MGAT4C: variants seen among roughly 807,000 people sequenced by gnomAD.
MGAT4C encodes the protein MGAT4 family member C, also known as alpha-1,3-mannosyl-glycoprotein 4-beta-N-acetylglucosaminyltransferase C.
In MGAT4C, 19 loss-of-function variants were observed where a neutral mutation model predicts 40.1. That is an observed-to-expected ratio of 0.47 (90% confidence interval 0.33 to 0.70). The LOEUF is 0.70. Ranked by LOEUF, MGAT4C falls within the 30% of genes least tolerant of loss-of-function variation. The pLI, the probability that MGAT4C is intolerant of heterozygous loss-of-function variation, is 0.02. For missense variants in MGAT4C, 491 were observed against 563.2 expected (o/e 0.87, Z 1.30); for synonymous variants, 181 against 187.1 (o/e 0.97, Z 0.27).
chr12:86,293,738 T>G (rs531647842), intron 4 of MGAT4C, among the ~76,000 whole-genome samples: 1 of 152,278 alleles, frequency 6.6e-6, no homozygotes, highest in Admixed American at 6.5e-5. Context: ...TGGAGGTAAT[T>G]AGATCATGTT....
intron 3 of MGAT4C, among the ~76,000 whole-genome samples, chr12:86,387,437 C>A (rs916838219): frequency 7.2e-5 from 11 of 151,828 alleles, no homozygotes; most frequent in African/African-American, 2.7e-4. Flanking sequence ...GAATTGAAAA[C>A]AGAATTTTTA....
chr12:86,358,268 C>T (rs1247504850), intron 3 of MGAT4C, among the ~76,000 whole-genome samples: 1 of 152,094 alleles, frequency 6.6e-6, no homozygotes, highest in African/African-American at 2.4e-5. Flanking sequence ...ACTTTACAGA[C>T]AAGTAAATAT....
chr12:86,220,254 A>G (rs549305741), intron 1 of MGAT4C, among the ~76,000 whole-genome samples: 1 of 152,186 alleles, frequency 6.6e-6, no homozygotes, highest in South Asian at 2.1e-4. Context: ...TGGAACAGGA[A>G]TTATCTCCTC....
chr12:86,835,275 T>G (rs1327048865), intron 1 of MGAT4C, among the ~76,000 whole-genome samples: 1 of 152,010 alleles, frequency 6.6e-6, no homozygotes. Flanking sequence ...ATACTATTTT[T>G]GTAAAGATTT....
chr12:86,468,522 T>C lies in MGAT4C; in HGVS notation c.-228-33257A>G, dbSNP rs189355344. Among the ~76,000 whole-genome samples the C allele has an allele frequency of 5.9e-5, 9 of 152,234 alleles. No individual in the cohort carries two copies. The East Asian group carries it at 1.7e-3, about 29-fold the overall frequency. On this transcript the variant is annotated intron_variant, in intron 2 of 7. Coordinates refer to the MGAT4C transcript ENST00000548651. ...AAATGCAGAAGTCTGAGTTGTTTTT[T>C]TTCTTAAATATAAGTTGGATTATAT...
chr12:86,566,575 TG>T (rs1304138806), intron 2 of MGAT4C, among the ~76,000 whole-genome samples: 5 of 131,712 alleles, frequency 3.8e-5, no homozygotes, highest in Non-Finnish European at 8.1e-5. Flanking sequence ...TATATATATA[TG>T]TATATGTATA....
intron 1 of MGAT4C, among the ~76,000 whole-genome samples, chr12:86,254,998 G>A (rs1390432375): frequency 6.6e-6 from 1 of 152,034 alleles, no homozygotes; most frequent in Non-Finnish European, 1.5e-5. Flanking sequence ...AGCTCAACTC[G>A]AGAATCTCCA....
chr12:86,534,327 T>C (rs1329257864), intron 2 of MGAT4C, among the ~76,000 whole-genome samples: 1 of 152,090 alleles, frequency 6.6e-6, no homozygotes, highest in East Asian at 1.9e-4. Flanking sequence ...ATCAGAAAAG[T>C]CTTTGAATCT....
At chr12:86,645,272 G>A (rs1270163512) in intron 2 of MGAT4C, among the ~76,000 whole-genome samples, 1 of 151,598 alleles carries the variant, frequency 6.6e-6, no homozygotes, top group Non-Finnish European at 1.5e-5. Context: ...GAAGAGGCTA[G>A]CAGGGACACT....
In MGAT4C at chr12:85,983,767, T is replaced by C. The variant is rs1468739187; in HGVS notation, c.148-97A>G. 14 of 975,146 alleles carry C rather than the reference T, an allele frequency of 1.4e-5. No individual in the cohort carries two copies. The East Asian group carries it at 3.7e-4, about 26-fold the overall frequency. 60.4% of individuals were successfully genotyped at this position (975,146 alleles called of 1,614,324 possible). ...TTACACAATAAATGTACGACTACAA[T>C]ATATAGTATGCAGGGTTATATAAAT... On this transcript the variant is annotated intron_variant, in intron 3 of 4. Transcript: ENST00000611864.
chr12:86,362,894 G>T (rs955615030), intron 3 of MGAT4C, among the ~76,000 whole-genome samples: 1 of 149,602 alleles, frequency 6.7e-6, no homozygotes, highest in African/African-American at 2.5e-5. Flanking sequence ...AGCATATGAG[G>T]GTGTATATAG....
At chr12:86,069,203 T>C (rs1287124311) in intron 1 of MGAT4C, among the ~76,000 whole-genome samples, 1 of 152,160 alleles carries the variant, frequency 6.6e-6, no homozygotes, top group Admixed American at 6.6e-5. Flanking sequence ...CATTATAGTG[T>C]ACCTTGCTTA....
chr12:86,505,491 C>CT (rs1378927172), intron 2 of MGAT4C, among the ~76,000 whole-genome samples: 2 of 152,176 alleles, frequency 1.3e-5, no homozygotes, highest in African/African-American at 4.8e-5. Context: ...AGAGTCAGCA[C>CT]AAATGTCATC....
chr12:86,014,596 G>T (rs1041530768), intron 2 of MGAT4C, among the ~76,000 whole-genome samples: 1 of 152,106 alleles, frequency 6.6e-6, no homozygotes, highest in Admixed American at 6.5e-5. Flanking sequence ...TTCAGGCCAG[G>T]CTTTCCCCTG....
intron 3 of MGAT4C, among the ~76,000 whole-genome samples, chr12:86,343,624 G>A (rs567084420): frequency 5.3e-5 from 8 of 152,180 alleles, no homozygotes; most frequent in Middle Eastern, 3.4e-3. Flanking sequence ...GTGTAAAACC[G>A]AAAGACAAAC....
chr12:86,621,380 T>C (rs940016051), intron 2 of MGAT4C, among the ~76,000 whole-genome samples: 2 of 152,128 alleles, frequency 1.3e-5, no homozygotes, highest in African/African-American at 2.4e-5. Context: ...AGAGTGGAAA[T>C]AAAAGAGATG....
rs549495761 is a variant in MGAT4C, at chr12:86,591,816, T to C, written c.-229+135393A>G. On this transcript the variant is annotated intron_variant, in intron 2 of 7. Coordinates refer to the MGAT4C transcript ENST00000548651. ...AAATGAAATTCAAAGAATCATCTCATTTTTTCTGGTGATCCAAATTGTTTA... is the reference window on the plus strand; with the variant it reads ...AAATGAAATTCAAAGAATCATCTCACTTTTTCTGGTGATCCAAATTGTTTA... Among the ~76,000 whole-genome samples the C allele has an allele frequency of 5.3e-5, 8 of 151,872 alleles. No homozygotes were observed. The South Asian group carries it at 1.2e-3, about 24-fold the overall frequency.
chr12:86,657,523 T>C (rs1035253374), intron 2 of MGAT4C, among the ~76,000 whole-genome samples: 1 of 151,862 alleles, frequency 6.6e-6, no homozygotes, highest in African/African-American at 2.4e-5. Flanking sequence ...AATTAGGTGA[T>C]AAGAAAACCG....
chr12:86,710,864 ATAAAC>A (rs1311006244), intron 2 of MGAT4C, among the ~76,000 whole-genome samples: 2 of 152,210 alleles, frequency 1.3e-5, no homozygotes, highest in Non-Finnish European at 2.9e-5. Context: ...ATAAAAAGGA[ATAAAC>A]TAATGTCTTT....
Sources: gnomAD v4.1 joint callset for allele counts (sites outside exome capture counted in the v4.1 genomes callset) on GRCh38, gnomAD v4.1.1 for gene constraint, MANE v1.5 for transcripts, NCBI Gene and HGNC (gene_info 2026-07-23, HGNC 2026-07-21) for gene names.